The following TNIK variants were observed in gnomAD, a reference collection of about 807,000 sequenced individuals.
TNIK encodes TRAF2 and NCK-interacting protein kinase.
In TNIK, 49 loss-of-function variants were observed where a neutral mutation model predicts 191.3. That is an observed-to-expected ratio of 0.26 (90% CI 0.20 to 0.32). TNIK has a LOEUF of 0.32. TNIK is among the 10% of genes least tolerant of loss of function. The pLI is 1.00. For missense variants in TNIK, 1,155 were observed against 1,702.3 expected (o/e 0.68, Z 5.66); for synonymous variants, 594 against 600.9 (o/e 0.99, Z 0.17).
chr3:171,300,551 C>A (rs1160343019), intron 2 of TNIK, among the ~76,000 whole-genome samples: 14 of 152,082 alleles, frequency 9.2e-5, no homozygotes, highest in Non-Finnish European at 1.6e-4. Context: ...AAAAAAAAAT[C>A]TGTGCTTTCA....
rs576407613 is a variant in TNIK at position 171,307,323 on chromosome 3, A to G, written c.123+62297T>C. Among the ~76,000 whole-genome samples the G allele has an allele frequency of 2.6e-5, 4 of 152,186 alleles. No individual in the cohort carries two copies. In the South Asian group the frequency reaches 8.3e-4, roughly 32 times the overall value. On this transcript the variant is annotated intron_variant, in intron 2 of 32. Coordinates refer to ENST00000436636, the MANE Select transcript of TNIK (RefSeq NM_015028.4). The stretch of plus-strand genomic sequence containing the variant: ...AGAAACCCTGCATCCAGCCTCATCC[A>G]TGTCAACCAGGACTTCAAGGGAAGG...
intron 15 of TNIK, among the ~76,000 whole-genome samples, chr3:171,137,391 C>T (rs1329758144): frequency 1.3e-5 from 2 of 151,816 alleles, no homozygotes; most frequent in Admixed American, 1.3e-4. Context: ...CTATGATCAC[C>T]ATAAAATAAA....
At chr3:171,120,166 T>C (rs946745137) in intron 18 of TNIK, among the ~76,000 whole-genome samples, 1 of 151,808 alleles carries the variant, frequency 6.6e-6, no homozygotes, top group African/African-American at 2.4e-5. Context: ...GATTTAAACA[T>C]ATGTGTCCCA....
chr3:171,250,518 T>C (rs560274318), intron 2 of TNIK, among the ~76,000 whole-genome samples: 1 of 152,328 alleles, frequency 6.6e-6, no homozygotes, highest in East Asian at 1.9e-4. Flanking sequence ...GACATTCATG[T>C]CCACTGATAT....
chr3:171,115,461 G>A (rs1726542161), intron 18 of TNIK, among the ~76,000 whole-genome samples: 1 of 152,238 alleles, frequency 6.6e-6, no homozygotes, highest in South Asian at 2.1e-4. Flanking sequence ...ACTGTATGTT[G>A]TGTATGAAAG....
At chr3:171,117,353 A>AGGTT (rs1466974330) in intron 18 of TNIK, among the ~76,000 whole-genome samples, 2 of 152,182 alleles carry the variant, frequency 1.3e-5, no homozygotes, top group African/African-American at 2.4e-5. Context: ...CTTTGGTGCA[A>AGGTT]GGTTATCAGA....
chr3:171,250,058 G>A lies in TNIK; in HGVS notation c.124-21837C>T, dbSNP rs146038182. Among the ~76,000 whole-genome samples, 31 of 152,312 alleles carry A rather than the reference G, an allele frequency of 2.0e-4. No individual in the cohort carries two copies. The East Asian group carries it at 4.8e-3, about 24-fold the overall frequency. On this transcript the variant is annotated intron_variant, in intron 2 of 32. Coordinates refer to ENST00000436636, the MANE Select transcript of TNIK (RefSeq NM_015028.4). ...CAGCTGGTAAGGCCAAGCTCTTAGC[G>A]ATGCCTGCATGCTTCTGCCTTTGTT... is the stretch of plus-strand genomic sequence containing the variant.
At chr3:171,144,925 C>G (rs1394243900) in intron 12 of TNIK, among the ~76,000 whole-genome samples, 1 of 152,164 alleles carries the variant, frequency 6.6e-6, no homozygotes, top group Non-Finnish European at 1.5e-5. Flanking sequence ...TACGTTGCTG[C>G]AAACAACAGA....
chr3:171,226,323 CT>C (rs961849873), intron 3 of TNIK, among the ~76,000 whole-genome samples: 6 of 152,138 alleles, frequency 3.9e-5, no homozygotes, highest in African/African-American at 1.4e-4. Context: ...CCTGCTCTCC[CT>C]TTTTTGCCTG....
intron 1 of TNIK, among the ~76,000 whole-genome samples, chr3:171,440,555 G>T (rs867694231): frequency 7.9e-5 from 12 of 152,176 alleles, no homozygotes; most frequent in South Asian, 2.1e-4. Flanking sequence ...TACTGATACT[G>T]TAGAAAAATA....
intron 4 of TNIK, among the ~76,000 whole-genome samples, chr3:171,210,860 A>G (rs1395445238): frequency 6.6e-6 from 1 of 152,094 alleles, no homozygotes; most frequent in Non-Finnish European, 1.5e-5. Context: ...TGAAAAAAAA[A>G]AAAAAAAACA....
chr3:171,315,994 G>A (rs914770858), intron 2 of TNIK, among the ~76,000 whole-genome samples: 9 of 152,082 alleles, frequency 5.9e-5, no homozygotes, highest in Non-Finnish European at 1.3e-4. Flanking sequence ...TTATACTACT[G>A]CCTTCTTAAC....
intron 1 of TNIK, among the ~76,000 whole-genome samples, chr3:171,382,927 A>T (rs1014466527): frequency 1.3e-5 from 2 of 152,206 alleles, no homozygotes; most frequent in African/African-American, 4.8e-5. Context: ...AATGCTTTGT[A>T]ACTTTTGAAA....
chr3:171,263,689 T>A (rs1296558783), intron 2 of TNIK, among the ~76,000 whole-genome samples: 1 of 151,874 alleles, frequency 6.6e-6, no homozygotes, highest in African/African-American at 2.4e-5. Flanking sequence ...CATAGAAAAG[T>A]AAAAATATAT....
At chr3:171,350,057 C>T (rs561605412) in intron 2 of TNIK, among the ~76,000 whole-genome samples, 27 of 147,292 alleles carry the variant, frequency 1.8e-4, no homozygotes, top group African/African-American at 4.9e-4. Context: ...ACAAACAAGA[C>T]ATAAAATACA....
At chr3:171,145,376 G>A (rs538301530) in intron 12 of TNIK, among the ~76,000 whole-genome samples, 4 of 151,928 alleles carry the variant, frequency 2.6e-5, no homozygotes, top group African/African-American at 4.8e-5. Flanking sequence ...GTGAGCCACC[G>A]CACCCGGCCA....
intron 4 of TNIK, among the ~76,000 whole-genome samples, chr3:171,194,952 C>A (rs539351831): frequency 4.0e-5 from 6 of 151,710 alleles, no homozygotes; most frequent in African/African-American, 1.2e-4. Context: ...TGTTTTAACT[C>A]AGCAGTCAAA....
intron 2 of TNIK, among the ~76,000 whole-genome samples, chr3:171,311,086 T>C (rs578232595): frequency 1.3e-5 from 2 of 152,190 alleles, no homozygotes; most frequent in African/African-American, 2.4e-5. Context: ...TAAAAAGATA[T>C]ATGTGAGCTT....
intron 29 of TNIK, among the ~76,000 whole-genome samples, chr3:171,069,991 G>A (rs1718978093): frequency 6.6e-6 from 1 of 152,188 alleles, no homozygotes. Context: ...GATAGGGTCT[G>A]TCAGAAAGAA....
Sources: allele counts gnomAD v4.1 joint callset (sites outside exome capture counted in the v4.1 genomes callset), GRCh38; gene constraint gnomAD v4.1.1; transcripts MANE v1.5; gene names NCBI Gene and HGNC (gene_info 2026-07-23, HGNC 2026-07-21).